The following MIDN variants were observed in gnomAD, a reference collection of about 807,000 sequenced individuals.
MIDN encodes midnolin, also known as midbrain nucleolar protein.
A neutral mutation model predicts 46.1 loss-of-function variants in MIDN; 26 were observed. That is an observed-to-expected ratio of 0.56 (90% CI 0.41 to 0.78). The LOEUF is 0.78. Among genes scored for constraint, MIDN ranks in the 30% least tolerant of loss-of-function variants. MIDN has a pLI of 0.00. For synonymous variants in MIDN, 432 were observed against 343.3 expected, an observed-to-expected ratio of 1.26 and a Z score of -2.86; for missense variants, 850 against 771.8, an observed-to-expected ratio of 1.10 and a Z score of -1.20.
intron 7 of MIDN, 98 bp from the exon 8 acceptor site, chr19:1,255,324 G>A (rs1189305719): frequency 5.7e-6 from 8 of 1,414,748 alleles, no homozygotes; most frequent in African/African-American, 1.4e-5. Flanking sequence ...ACATGTCCAC[G>A]CCATTGCCTG....
At position 1,251,717 on chromosome 19, in the gene MIDN, C is replaced by T. The variant is rs960148824; in HGVS notation, c.321+68C>T. Reference sequence around the variant, plus strand: ...ACAGGCAGTAGCCCCTCCCTCGGTACCTGTCCGCACACACACTACCTGGGG... The same window carrying T: ...ACAGGCAGTAGCCCCTCCCTCGGTATCTGTCCGCACACACACTACCTGGGG... On this transcript the variant is annotated intron_variant, in intron 3 of 8. Coordinates refer to ENST00000682408, the MANE Select transcript of MIDN (RefSeq NM_001388306.1). 7.9e-6 allele frequency: 12 copies of T among 1,526,970 alleles called. No individual in the cohort carries two copies. The Admixed American group carries it at 1.1e-4, about 14-fold the overall frequency. 94.6% of individuals were successfully genotyped at this position (1,526,970 alleles called of 1,614,324 possible).
intron 4 of MIDN, among the ~76,000 whole-genome samples, chr19:1,252,570 C>T (rs755619701): frequency 1.4e-4 from 21 of 151,170 alleles, no homozygotes; most frequent in Non-Finnish European, 2.5e-4. Flanking sequence ...CTCCTTCTTT[C>T]CTCATTTTCT....
At position 1,255,568 on chromosome 19, in the gene MIDN, C is replaced by G; in HGVS notation, c.1132C>G (p.Gln378Glu). 1 of 1,611,852 alleles carries G rather than the reference C, an allele frequency of 6.2e-7. No homozygotes were observed. Reference sequence around the variant, plus strand: ...GCTGGCCCAGCTCCGCTGCCACGCCCAGTGCTCCCCGGCCTCACCGGCCCC... The same window carrying G: ...GCTGGCCCAGCTCCGCTGCCACGCCGAGTGCTCCCCGGCCTCACCGGCCCC... ...PSLAQLRCHA[Q>E]CSPASPAPDL... Residue 378 changes from glutamine (Q) to glutamate (E), a missense_variant, in exon 8 of 9, where the codon CAG (glutamine) becomes GAG (glutamate). Physicochemically the swap from Gln to Glu is conservative, Grantham distance 29. Transcript: ENST00000682408.
In MIDN at chr19:1,249,220, C is replaced by A. The variant is rs937014628; in HGVS notation, c.-408+560C>A. On this transcript the variant is annotated intron_variant, in intron 1 of 8. Transcript: ENST00000682408. The stretch of plus-strand genomic sequence containing the variant: ...GCCGGCGGGTGGGCGCGCGGGGCCC[C>A]CGGCGGCAGCCACCCGGCCACGTCA... Among the ~76,000 whole-genome samples, 111 of 148,356 alleles carry A rather than the reference C, an allele frequency of 7.5e-4. 1 individual carries two copies. The highest frequency in any genetic ancestry group is 6.9e-4 in the Non-Finnish European group (46 of 66,440).
chr19:1,249,115 C>G (rs2145481338), intron 1 of MIDN, among the ~76,000 whole-genome samples: 1 of 151,180 alleles, frequency 6.6e-6, no homozygotes, highest in Non-Finnish European at 1.5e-5. Context: ...CATCCCCGAG[C>G]GCGCGCGGGC....
rs781531680 is a variant in MIDN at position 1,250,442 on chromosome 19, C to T, written c.146C>T (p.Pro49Leu). 1.4e-6 allele frequency: 2 copies of T among 1,387,402 alleles called. No homozygotes were observed. Among genetic ancestry groups the T allele is most frequent in the Non-Finnish European group, 1.9e-6 (2 of 1,048,740 alleles). The allele number at this position is 1,387,402 out of a possible 1,614,324, so 85.9% of individuals were successfully genotyped here. A position where few individuals can be genotyped will look rare whatever the true frequency, so the allele number is the denominator to read the frequency against. Residue 49 changes from proline to leucine, a missense_variant, in exon 2 of 9, where the codon CCC (proline) becomes CTC (leucine). Physicochemically the swap from Pro to Leu is moderately conservative, Grantham distance 98. Coordinates refer to ENST00000682408, the MANE Select transcript of MIDN (RefSeq NM_001388306.1). ...TGTRYDLAVP[P>L]DETVEGLRKR... ...ACCCGCTACGACCTGGCCGTGCCGC[C>T]CGACGAGACGGTGGAGGGGCTGCGC...
At position 1,254,055 on chromosome 19, in the gene MIDN, C is replaced by A; in HGVS notation, c.486C>A (p.Ser162Arg). Residue 162 changes from serine to arginine, a missense_variant, in exon 5 of 9, where the codon AGC (serine) becomes AGA (arginine). Physicochemically the swap from Ser to Arg is moderately radical, Grantham distance 110 (BLOSUM62 -1). Coordinates refer to ENST00000682408, the MANE Select transcript of MIDN (RefSeq NM_001388306.1). ...CGTGGCACCGACAGGGACCCCAGAG[C>A]CCAGAGAGGGGCGGCGAGAGGCCCC... ...KRPWHRQGPQ[S>R]PERGGERPQV... is the part of the protein sequence containing the mutation. The A allele has an allele frequency of 6.8e-7, 1 of 1,461,776 alleles. No homozygotes were observed. 90.6% of individuals were successfully genotyped at this position (1,461,776 alleles called of 1,614,324 possible). A position where few individuals can be genotyped will look rare whatever the true frequency, so the allele number is the denominator to read the frequency against.
intron 4 of MIDN, 103 bp from the exon 5 acceptor site, chr19:1,253,851 C>T: frequency 1.0e-6 from 1 of 985,034 alleles, no homozygotes. Context: ...TCAGTGACTG[C>T]CAGCTGGGCC....
At chr19:1,249,311 G>T (rs1291042445) in intron 1 of MIDN, among the ~76,000 whole-genome samples, 1 of 149,864 alleles carries the variant, frequency 6.7e-6, no homozygotes, top group Non-Finnish European at 1.5e-5. Context: ...CCCCGGGGCC[G>T]CGGCCCTAGC....
rs1350107810 is a variant in MIDN, at chr19:1,254,467, A to G, written c.814A>G (p.Thr272Ala). 1.9e-6 allele frequency: 3 copies of G among 1,555,564 alleles called. No homozygotes were observed. The highest frequency in any genetic ancestry group is 2.6e-6 in the Non-Finnish European group (3 of 1,157,596). Residue 272 changes from threonine to alanine, a missense_variant, in exon 6 of 9, where the codon ACC becomes GCC. By Grantham distance (58) the Thr-to-Ala change is moderately conservative. Coordinates refer to ENST00000682408, the MANE Select transcript of MIDN (RefSeq NM_001388306.1). ...CTTCCGGTCCCACGCAGCCTCCACC[A>G]CCTGCCCGGAGGTGAGCCTGGGGAA... ...GSFRSHAAST[T>A]CPEQMDCSPT...
Position 1,251,892 on chromosome 19 carries a change from G to A in MIDN, c.375G>A (p.Thr125=). The A allele has an allele frequency of 4.3e-6, 7 of 1,613,142 alleles. No individual in the cohort carries two copies. In the South Asian group the frequency reaches 7.7e-5, roughly 18 times the overall value. The change falls in exon 4 of 9, where the codon ACG becomes ACA. Residue 125 remains threonine (T), a synonymous_variant. Transcript: ENST00000682408. ...QSVMQALESL[T]ETQPPAAPGP... The stretch of plus-strand genomic sequence containing the variant: ...TGATGCAAGCTCTCGAGAGTCTCAC[G>A]GAGACGCAGGTAAGACCTCGCCAGC...
rs1451908830 is a variant in MIDN at position 1,250,106 on chromosome 19, G to C, written c.-191G>C. The stretch of plus-strand genomic sequence containing the variant: ...CGCCCCCAGGAGCCGGAGCGACCTC[G>C]GAGCGCCACTCGGATTTTGGATTTC... On this transcript the variant is annotated 5_prime_UTR_variant, in exon 2 of 9. Coordinates refer to ENST00000682408, the MANE Select transcript of MIDN (RefSeq NM_001388306.1). 22 of 155,222 alleles carry C rather than the reference G, an allele frequency of 1.4e-4. No individual in the cohort carries two copies. Among genetic ancestry groups the C allele is most frequent in the African/African-American group, 5.1e-4 (21 of 41,422 alleles). 9.6% of individuals were successfully genotyped at this position (155,222 alleles called of 1,614,324 possible).
In MIDN at chr19:1,254,361, G is replaced by A. The variant is rs2081171680; in HGVS notation, c.708G>A (p.Arg236=). The A allele has an allele frequency of 1.3e-6, 2 of 1,562,232 alleles. No individual in the cohort carries two copies. The highest frequency in any genetic ancestry group is 1.4e-5 in the African/African-American group (1 of 74,010). Reference sequence around the variant, plus strand: ...CCTCCCCCGTGTCCTCGCCCTGCCGGCCGGTGTCCAGTGCCGCCCGAGTCC... The same window carrying A: ...CCTCCCCCGTGTCCTCGCCCTGCCGACCGGTGTCCAGTGCCGCCCGAGTCC... ...SIASPVSSPC[R]PVSSAARVPP... Residue 236 remains arginine (R), a synonymous_variant, in exon 6 of 9, where the codon CGG becomes CGA. Coordinates refer to ENST00000682408, the MANE Select transcript of MIDN (RefSeq NM_001388306.1).
intron 4 of MIDN, among the ~76,000 whole-genome samples, chr19:1,252,129 G>A (rs1423214809): frequency 6.6e-6 from 1 of 152,162 alleles, no homozygotes; most frequent in African/African-American, 2.4e-5. Context: ...CTGGGGGAAG[G>A]GGGCCTGGCT....
intron 2 of MIDN, chr19:1,251,220 T>G: frequency 2.3e-5 from 6 of 263,550 alleles, no homozygotes; most frequent in East Asian, 1.0e-4. Context: ...AATTAGGGAA[T>G]TGGGGGCAGG....
intron 3 of MIDN, 28 bp from the exon 4 acceptor site, chr19:1,251,811 C>G: frequency 6.2e-7 from 1 of 1,607,598 alleles, no homozygotes; most frequent in South Asian, 1.1e-5. Flanking sequence ...ACCCCACACT[C>G]AGGCCCCTCT....
chr19:1,253,136 G>A (rs2081153449), intron 4 of MIDN, among the ~76,000 whole-genome samples: 1 of 151,918 alleles, frequency 6.6e-6, no homozygotes, highest in Admixed American at 6.5e-5. Flanking sequence ...TCCCCAGGGA[G>A]GAAGTTGCAG....
rs375835337 is a variant in MIDN, at chr19:1,251,866, G to C, written c.349G>C (p.Val117Leu). ...TCAGGCCTCAAGGCCGGAACAGTCC[G>C]TGATGCAAGCTCTCGAGAGTCTCAC... ...MSQASRPEQS[V>L]MQALESLTET... The change falls in exon 4 of 9, where the codon GTG becomes CTG. Residue 117 changes from valine (V) to leucine (L), a missense_variant. Physicochemically the swap from Val to Leu is conservative, Grantham distance 32. Transcript: ENST00000682408. The C allele has an allele frequency of 1.2e-6, 2 of 1,613,508 alleles. No homozygotes were observed. Among genetic ancestry groups the C allele is most frequent in the Non-Finnish European group, 1.7e-6 (2 of 1,179,808 alleles).
rs991538532 is a variant in MIDN, at chr19:1,258,223, T to A, written c.*951T>A. The stretch of plus-strand genomic sequence containing the variant: ...GAGAGAATGGCTGGGTGCTGGGGAG[T>A]TCCCCCCTCCGAGCCCTCCTTCCCG... On this transcript the variant is annotated 3_prime_UTR_variant, in exon 9 of 9. Transcript: ENST00000682408. 1 of 152,354 alleles carries A rather than the reference T, an allele frequency of 6.6e-6. No individual in the cohort carries two copies. The highest frequency in any genetic ancestry group is 1.5e-5 in the Non-Finnish European group (1 of 68,012). The allele number at this position is 152,354 out of a possible 1,614,324, so 9.4% of individuals were successfully genotyped here. A position where few individuals can be genotyped will look rare whatever the true frequency, so the allele number is the denominator to read the frequency against.
Sources: gnomAD v4.1 joint callset for allele counts (sites outside exome capture counted in the v4.1 genomes callset) on GRCh38, gnomAD v4.1.1 for gene constraint, MANE v1.5 for transcripts, NCBI Gene and HGNC (gene_info 2026-07-23, HGNC 2026-07-21) for gene names.